UTP18: variants seen among roughly 807,000 people sequenced by gnomAD.
UTP18 encodes UTP18 small subunit processome component.
A neutral mutation model predicts 61.1 loss-of-function variants in UTP18; 36 were observed. That is an observed-to-expected ratio of 0.59 (90% CI 0.45 to 0.78). UTP18 has a LOEUF of 0.78. Among genes scored for constraint, UTP18 ranks in the 30% least tolerant of loss-of-function variants. The pLI is 0.00. For synonymous variants in UTP18, 282 were observed against 251.1 expected, an observed-to-expected ratio of 1.12 and a Z score of -1.16; for missense variants, 753 against 693.9, an observed-to-expected ratio of 1.09 and a Z score of -0.96.
Position 51,289,200 on chromosome 17 carries a change from G to GTT in UTP18, c.1503+1010_1503+1011dup, listed in dbSNP as rs34538423. ...GTAAGCAGACCTTTCTGTTTTTTTT[G>GTT]TTTTTTTTTTTTTTGAGACCAAGTC... On this transcript the variant is annotated intron_variant, in intron 11 of 13. Coordinates refer to ENST00000225298, the MANE Select transcript of UTP18 (RefSeq NM_016001.3). 8.8e-3 allele frequency among the ~76,000 whole-genome samples: 1,217 copies of GTT among 137,648 alleles called. 21 individuals carry two copies. The highest frequency in any genetic ancestry group is 0.031 in the African/African-American group (1,129 of 36,832). The allele number at this position is 137,648 out of a possible 152,430, so 90.3% of individuals were successfully genotyped here.
intron 3 of UTP18, among the ~76,000 whole-genome samples, chr17:51,268,292 C>T (rs1904372744): frequency 6.6e-6 from 1 of 152,208 alleles, no homozygotes; most frequent in African/African-American, 2.4e-5. Context: ...TCCCAAAGTG[C>T]TGGGATTACA....
intron 9 of UTP18, among the ~76,000 whole-genome samples, chr17:51,282,515 AGG>A (rs1196457955): frequency 2.0e-5 from 3 of 151,840 alleles, no homozygotes; most frequent in African/African-American, 7.3e-5. Flanking sequence ...GATGGAAGGA[AGG>A]AAGGAAGGAA....
At chr17:51,296,146 T>C (rs1243028790) in intron 12 of UTP18, 1 of 152,206 alleles carries the variant, frequency 6.6e-6, no homozygotes, top group Non-Finnish European at 1.5e-5. Context: ...AAAACCTAAT[T>C]GCATCATTGC....
At chr17:51,264,436 TAAGA>T (rs918116988) in intron 2 of UTP18, among the ~76,000 whole-genome samples, 2 of 152,198 alleles carry the variant, frequency 1.3e-5, no homozygotes, top group African/African-American at 4.8e-5. Flanking sequence ...TTTATTGCCT[TAAGA>T]AAGATTCTTT....
chr17:51,285,260 A>G lies in UTP18; in HGVS notation c.1220A>G (p.Tyr407Cys), dbSNP rs1265072342. ...TTTTATGCAGGGGATGGAGAAGTTT[A>G]TGTTTGGGATGTGAACTCAAGGAAG... is the stretch of plus-strand genomic sequence containing the variant. ...VYASSGDGEV[Y>C]VWDVNSRKCL... Residue 407 changes from tyrosine to cysteine, a missense_variant, in exon 10 of 14, where the codon TAT becomes TGT. Physicochemically the swap from Tyr to Cys is radical, Grantham distance 194. Transcript: ENST00000225298. 1 of 1,613,212 alleles carries G rather than the reference A, an allele frequency of 6.2e-7. No homozygotes were observed. The highest frequency in any genetic ancestry group is 1.3e-5 in the African/African-American group (1 of 74,992).
At chr17:51,296,753 T>C (rs1269365190) in intron 12 of UTP18, 6 of 487,526 alleles carry the variant, frequency 1.2e-5, no homozygotes, top group African/African-American at 2.0e-5. Context: ...TGTGAAACTT[T>C]GGAGTAAGCC....
Position 51,273,721 on chromosome 17 carries a change from G to A in UTP18, c.711+271G>A, listed in dbSNP as rs1033309338. ...ACTGTACTTTAGCCCGGGTGAAAGC[G>A]AGACCCTGTCTCTAAAATAATAAAT... On this transcript the variant is annotated intron_variant, in intron 5 of 13. Coordinates refer to ENST00000225298, the MANE Select transcript of UTP18 (RefSeq NM_016001.3). 1.7e-4 allele frequency among the ~76,000 whole-genome samples: 19 copies of A among 114,916 alleles called. No homozygotes were observed. In the South Asian group the frequency reaches 3.7e-3, roughly 22 times the overall value. 75.4% of individuals were successfully genotyped at this position (114,916 alleles called of 152,430 possible). A position where few individuals can be genotyped will look rare whatever the true frequency, so the allele number is the denominator to read the frequency against.
At chr17:51,261,391 C>T (rs1398550105) in intron 1 of UTP18, among the ~76,000 whole-genome samples, 2 of 152,204 alleles carry the variant, frequency 1.3e-5, no homozygotes, top group Non-Finnish European at 2.9e-5. Flanking sequence ...TGAGAATGAT[C>T]GTGTATTCCG....
intron 2 of UTP18, among the ~76,000 whole-genome samples, chr17:51,264,490 A>C (rs1309605963): frequency 6.6e-6 from 1 of 152,066 alleles, no homozygotes; most frequent in Non-Finnish European, 1.5e-5. Flanking sequence ...GTTATTTTTA[A>C]GGTTCTTGAT....
chr17:51,268,083 C>G (rs530165834), intron 3 of UTP18, among the ~76,000 whole-genome samples: 106 of 149,426 alleles, frequency 7.1e-4, no homozygotes, highest in African/African-American at 2.5e-3. Flanking sequence ...GATCGCGGCT[C>G]ACTGCAAGCT....
At chr17:51,266,485 A>G (rs528168320) in intron 3 of UTP18, among the ~76,000 whole-genome samples, 2 of 152,196 alleles carry the variant, frequency 1.3e-5, no homozygotes, top group Non-Finnish European at 2.9e-5. Flanking sequence ...AATTCTTACC[A>G]CTCAAATATA....
At chr17:51,292,750 T>C (rs964783123) in intron 11 of UTP18, among the ~76,000 whole-genome samples, 1 of 152,208 alleles carries the variant, frequency 6.6e-6, no homozygotes, top group African/African-American at 2.4e-5. Flanking sequence ...CATCCACAAA[T>C]TGGGTGAGGA....
intron 4 of UTP18, among the ~76,000 whole-genome samples, chr17:51,270,364 C>T (rs1489727281): frequency 1.3e-5 from 2 of 152,240 alleles, no homozygotes; most frequent in East Asian, 1.9e-4. Context: ...TGGCGTACTT[C>T]TAGACCCTAG....
chr17:51,277,157 C>T lies in UTP18; in HGVS notation c.865C>T (p.Gln289Ter). Residue 289 changes from glutamine (Q) to a stop codon, truncating the protein, a stop_gained, in exon 7 of 14, where the codon CAG becomes TAG. Transcript: ENST00000225298. LOFTEE classifies it high-confidence loss of function. ...QVDGKTNPKI[Q>*]SIYLERFPIF... Reference sequence around the variant, plus strand: ...TGATGGGAAAACAAATCCTAAAATTCAGAGCATCTATTTGGAAAGGTTTCC... The same window carrying T: ...TGATGGGAAAACAAATCCTAAAATTTAGAGCATCTATTTGGAAAGGTTTCC... 1 of 1,613,916 alleles carries T rather than the reference C, an allele frequency of 6.2e-7. No individual in the cohort carries two copies. The highest frequency in any genetic ancestry group is 8.5e-7 in the Non-Finnish European group (1 of 1,179,962).
chr17:51,285,150 T>C, intron 9 of UTP18, 95 bp from the exon 10 acceptor site: 1 of 1,382,634 alleles, frequency 7.2e-7, no homozygotes, highest in Non-Finnish European at 1.0e-6. Flanking sequence ...ATTTGTAGTC[T>C]CCTGTACTGT....
chr17:51,273,765 A>ATAAATAAATAAG (rs1904620015), intron 5 of UTP18, among the ~76,000 whole-genome samples: 1 of 151,574 alleles, frequency 6.6e-6, no homozygotes, highest in South Asian at 2.1e-4. Context: ...AAATAAATAA[A>ATAAATAAATAAG]TAAATAAATT....
In UTP18 at chr17:51,273,469, G is replaced by A; in HGVS notation, c.711+19G>A. 6.3e-7 allele frequency: 1 copy of A among 1,588,422 alleles called. No homozygotes were observed. The highest frequency in any genetic ancestry group is 1.3e-5 in the African/African-American group (1 of 74,390). ...CTTGAAGGTGAGAGTCAGTGAAGTT[G>A]GGGGATCCTATCTAACTACTTACCT... On this transcript the variant is annotated intron_variant, in intron 5 of 13. Transcript: ENST00000225298.
chr17:51,286,682 C>T, intron 10 of UTP18: 1 of 401,760 alleles, frequency 2.5e-6, no homozygotes, highest in Non-Finnish European at 5.0e-6. Flanking sequence ...CCCGTGCCAA[C>T]CCTGTAGCGA....
intron 2 of UTP18, among the ~76,000 whole-genome samples, chr17:51,265,520 C>G (rs1466178909): frequency 6.6e-6 from 1 of 150,962 alleles, no homozygotes; most frequent in East Asian, 1.9e-4. Flanking sequence ...GTGTCTGCCT[C>G]CCAAAGTGCT....
Sources: gnomAD v4.1 joint callset for allele counts (sites outside exome capture counted in the v4.1 genomes callset) on GRCh38, gnomAD v4.1.1 for gene constraint, MANE v1.5 for transcripts, NCBI Gene and HGNC (gene_info 2026-07-23, HGNC 2026-07-21) for gene names.